BTAF1: variants seen among roughly 807,000 people sequenced by gnomAD.
The protein encoded by BTAF1 is TATA-binding protein-associated factor 172.
Under a neutral mutation model 227.1 loss-of-function variants are expected in BTAF1, and 38 were observed. That is an observed-to-expected ratio of 0.17 (90% CI 0.13 to 0.22). The LOEUF (loss-of-function observed/expected upper bound fraction) is 0.22. BTAF1 is among the 10% of genes least tolerant of loss of function. The pLI is 1.00. For synonymous variants in BTAF1, 742 were observed against 751.9 expected (o/e 0.99, Z 0.21); for missense variants, 1,598 against 2,204.0 (o/e 0.73, Z 5.51).
At chr10:91,989,680 G>C (rs963335316) in intron 20 of BTAF1, 100 bp downstream of exon 20, 4 of 1,173,318 alleles carry the variant, frequency 3.4e-6, no homozygotes, top group South Asian at 1.7e-5. Flanking sequence ...GTTCATGTTA[G>C]TGTTTTTTCC....
intron 14 of BTAF1, among the ~76,000 whole-genome samples, chr10:91,969,868 G>A (rs1847169973): frequency 6.6e-6 from 1 of 151,840 alleles, no homozygotes; most frequent in African/African-American, 2.4e-5. Flanking sequence ...GGAGGCTGAG[G>A]CACAAGAATT....
intron 4 of BTAF1, 103 bp from the exon 5 acceptor site, chr10:91,951,300 A>G (rs950785694): frequency 7.4e-6 from 9 of 1,216,732 alleles, no homozygotes; most frequent in Non-Finnish European, 9.0e-6. Context: ...TATTGGCAGA[A>G]GGGATGCTTT....
intron 1 of BTAF1, among the ~76,000 whole-genome samples, chr10:91,930,262 T>C (rs1844183621): frequency 6.6e-6 from 1 of 152,232 alleles, no homozygotes. Context: ...TGCAAGAGGC[T>C]ATAGGTTGTT....
At chr10:91,991,074 G>A (rs1047383976) in intron 20 of BTAF1, among the ~76,000 whole-genome samples, 3 of 150,552 alleles carry the variant, frequency 2.0e-5, no homozygotes, top group East Asian at 2.0e-4. Flanking sequence ...GTGAAACCCC[G>A]TCTGTACTAA....
At chr10:91,993,651 AT>A in intron 21 of BTAF1, 42 bp from the exon 22 acceptor site, 1 of 1,354,724 alleles carries the variant, frequency 7.4e-7, no homozygotes, top group Non-Finnish European at 9.7e-7. Context: ...ATGTATTATG[AT>A]TTTTTCTGAA....
intron 4 of BTAF1, among the ~76,000 whole-genome samples, chr10:91,943,740 T>G (rs1241065029): frequency 1.3e-5 from 2 of 152,188 alleles, no homozygotes; most frequent in Non-Finnish European, 2.9e-5. Flanking sequence ...AAATAGTAAG[T>G]TTACTAACTT....
At chr10:91,978,441 T>C (rs116863998) in intron 14 of BTAF1, among the ~76,000 whole-genome samples, 2,481 of 152,276 alleles carry the variant, frequency 0.016, 34 homozygotes, top group Middle Eastern at 0.099. Flanking sequence ...CACCAAATTA[T>C]TTGCTTATTG....
intron 14 of BTAF1, among the ~76,000 whole-genome samples, chr10:91,967,197 T>G (rs1346297795): frequency 6.6e-6 from 1 of 152,150 alleles, no homozygotes; most frequent in African/African-American, 2.4e-5. Flanking sequence ...TGCCTTTATT[T>G]AAAGATTTTT....
At chr10:91,964,955 T>G (rs1221440708) in intron 13 of BTAF1, among the ~76,000 whole-genome samples, 1 of 152,130 alleles carries the variant, frequency 6.6e-6, no homozygotes, top group Non-Finnish European at 1.5e-5. Context: ...GGGCGTTCAG[T>G]GAATGTTCAT....
Position 91,977,782 on chromosome 10 carries a change from A to T in BTAF1, c.1651-2672A>T, listed in dbSNP as rs183139094. On this transcript the variant is annotated intron_variant, in intron 14 of 37. Coordinates refer to ENST00000265990, the MANE Select transcript of BTAF1 (RefSeq NM_003972.3). ...GCTAACAGGTATAGAGTGGTATCTC[A>T]TCGTTGTTTTAATTTGTATTTTCCT... 2.2e-3 allele frequency among the ~76,000 whole-genome samples: 330 copies of T among 152,198 alleles called. 1 individual carries two copies. The highest frequency in any genetic ancestry group is 7.7e-3 in the African/African-American group (318 of 41,534).
At position 92,024,783 on chromosome 10, in the gene BTAF1, G is replaced by C. The variant is rs1011357807; in HGVS notation, c.4891G>C (p.Gly1631Arg). 6.9e-6 allele frequency: 11 copies of C among 1,602,630 alleles called. No individual in the cohort carries two copies. In the Admixed American group the frequency reaches 1.5e-4, roughly 22 times the overall value. ...GCTGTTGGACTGCGGTTTGGGAAAT[G>C]GCAGCACTTCCGAGAGTGGCACAGA... is the stretch of plus-strand genomic sequence containing the variant. ...QLLLDCGLGN[G>R]STSESGTESV... Residue 1631 changes from glycine (G) to arginine (R), a missense_variant, in exon 35 of 38, where the codon GGC becomes CGC. Gly to Arg is a moderately radical substitution (Grantham distance 125). Coordinates refer to ENST00000265990, the MANE Select transcript of BTAF1 (RefSeq NM_003972.3).
chr10:91,997,135 C>A, intron 24 of BTAF1: 1 of 1,289,274 alleles, frequency 7.8e-7, no homozygotes, highest in South Asian at 1.2e-5. Context: ...AACTCTGGTT[C>A]AAAAATACTG....
At chr10:92,009,017 T>G (rs1850129057) in intron 27 of BTAF1, 24 bp from the exon 28 acceptor site, 1 of 1,612,758 alleles carries the variant, frequency 6.2e-7, no homozygotes, top group East Asian at 2.2e-5. Context: ...GCTGGTTAAT[T>G]TATTGTGTTT....
In BTAF1 at chr10:91,923,790, G is replaced by T; in HGVS notation, c.-287G>T. ...CGCTCAGTTGTGCGTGCCGACGCCC[G>T]CGTCAGCAAAGAGCGGAGCTGAGGG... On this transcript the variant is annotated 5_prime_UTR_variant, in exon 1 of 38. Transcript: ENST00000265990. 2.5e-6 allele frequency: 1 copy of T among 393,808 alleles called. No homozygotes were observed. Among genetic ancestry groups the T allele is most frequent in the Non-Finnish European group, 4.5e-6 (1 of 221,056 alleles). 24.4% of individuals were successfully genotyped at this position (393,808 alleles called of 1,614,324 possible).
chr10:91,943,758 G>A lies in BTAF1; in HGVS notation c.400+1190G>A, dbSNP rs913596619. 2.6e-4 allele frequency among the ~76,000 whole-genome samples: 40 copies of A among 152,236 alleles called. No homozygotes were observed. In the East Asian group the frequency reaches 6.4e-3, roughly 24 times the overall value. Reference sequence around the variant, plus strand: ...TAGTAAGTTTACTAACTTTACTAGTGTATTCATGGACATTATCAGAGATCA... The same window carrying A: ...TAGTAAGTTTACTAACTTTACTAGTATATTCATGGACATTATCAGAGATCA... On this transcript the variant is annotated intron_variant, in intron 4 of 37. Transcript: ENST00000265990.
chr10:91,976,037 G>T (rs1482905329), intron 14 of BTAF1, among the ~76,000 whole-genome samples: 9 of 152,214 alleles, frequency 5.9e-5, no homozygotes, highest in Admixed American at 1.3e-4. Flanking sequence ...AGTTGCAAGT[G>T]TTGGACCTTC....
chr10:91,953,789 A>C lies in BTAF1; in HGVS notation c.617A>C (p.Asn206Thr). The change falls in exon 6 of 38, where the codon AAT becomes ACT. Residue 206 changes from asparagine to threonine, a missense_variant. Around this residue, in one of 10 missense-constraint regions of BTAF1, gnomAD observed 298 missense variants for 395.2 expected, o/e 0.75. Transcript: ENST00000265990. ...TCAGAGTTTCGAGCAGGAATGAGCA[A>C]TAGACAAAAGAACAAAGCTAAAAGA... ...IDSEFRAGMS[N>T]RQKNKAKRMA... 1 of 1,614,100 alleles carries C rather than the reference A, an allele frequency of 6.2e-7. No homozygotes were observed. The highest frequency in any genetic ancestry group is 1.1e-5 in the South Asian group (1 of 91,082).
At chr10:91,998,492 T>C (rs1849288590) in intron 25 of BTAF1, among the ~76,000 whole-genome samples, 1 of 151,978 alleles carries the variant, frequency 6.6e-6, no homozygotes, top group Admixed American at 6.6e-5. Context: ...AAAAGAAGAC[T>C]AGAAGGATCA....
chr10:91,974,575 G>A (rs1847549863), intron 14 of BTAF1, among the ~76,000 whole-genome samples: 1 of 152,174 alleles, frequency 6.6e-6, no homozygotes, highest in South Asian at 2.1e-4. Flanking sequence ...ACCATGGCCA[G>A]GCACAGTGGC....
Sources: gnomAD v4.1 joint callset for allele counts (sites outside exome capture counted in the v4.1 genomes callset) on GRCh38, gnomAD v4.1.1 for gene constraint, gnomAD v4.1.1 regional missense constraint, MANE v1.5 for transcripts, NCBI Gene and HGNC (gene_info 2026-07-23, HGNC 2026-07-21) for gene names.